Variants in TMTC1 observed in about 807,000 individuals in gnomAD.
TMTC1 encodes the protein protein O-mannosyl-transferase TMTC1.
A neutral mutation model predicts 104.8 loss-of-function variants in TMTC1; 73 were observed. The observed-to-expected ratio is 0.70, with a 90% confidence interval of 0.58 to 0.85. The LOEUF (loss-of-function observed/expected upper bound fraction) is 0.85, where lower values mean the gene tolerates loss of function less well. TMTC1 is among the 40% of genes least tolerant of loss of function. TMTC1 has a pLI of 0.00. For missense variants in TMTC1, 1,035 were observed against 1,096.1 expected, an observed-to-expected ratio of 0.94 and a Z score of 0.79; for synonymous variants, 434 against 428.7, an observed-to-expected ratio of 1.01 and a Z score of -0.15.
In TMTC1 at chr12:29,608,643, T is replaced by C. The variant is rs559472012; in HGVS notation, c.1129-4344A>G. Among the ~76,000 whole-genome samples, 7 of 152,202 alleles carry C rather than the reference T, an allele frequency of 4.6e-5. No individual in the cohort carries two copies. The South Asian group carries it at 1.5e-3, about 32-fold the overall frequency. On this transcript the variant is annotated intron_variant, in intron 6 of 17. Coordinates refer to ENST00000539277, the MANE Select transcript of TMTC1 (RefSeq NM_001193451.2). ...TGTGTGATAGATTCGCTATTATAGG[T>C]GTTAGGTTTGATTTTTCTTTTCTGG...
At chr12:29,551,432 T>C (rs565710479) in intron 10 of TMTC1, among the ~76,000 whole-genome samples, 2 of 152,216 alleles carry the variant, frequency 1.3e-5, no homozygotes, top group Non-Finnish European at 2.9e-5. Context: ...GTAAATCAAA[T>C]ATATCCTGTT....
intron 6 of TMTC1, among the ~76,000 whole-genome samples, chr12:29,617,536 C>CAGAGAGAGAGAGAGAGAGAGAGAGAG (rs145115277): frequency 4.4e-4 from 60 of 134,994 alleles, no homozygotes; most frequent in South Asian, 1.2e-3. Context: ...AAACAGACAA[C>CAGAGAGAGAGAGAGAGAGAGAGAGAG]AGAGAGAGAG....
At chr12:29,579,117 C>T (rs575899980) in intron 8 of TMTC1, among the ~76,000 whole-genome samples, 4 of 152,258 alleles carry the variant, frequency 2.6e-5, no homozygotes, top group South Asian at 2.1e-4. Context: ...GTTTCAGCCA[C>T]GGCCAGTAAA....
chr12:29,757,520 A>G (rs1943242937), intron 3 of TMTC1, among the ~76,000 whole-genome samples: 1 of 152,200 alleles, frequency 6.6e-6, no homozygotes, highest in South Asian at 2.1e-4. Flanking sequence ...AGTGTTCCTC[A>G]GTCACTGGGC....
At chr12:29,589,517 A>C (rs4505145) in intron 7 of TMTC1, among the ~76,000 whole-genome samples, 1,762 of 152,282 alleles carry the variant, frequency 0.012, 37 homozygotes, top group East Asian at 0.065. Context: ...CTGTGTTCCT[A>C]ACACCTCATC....
intron 6 of TMTC1, among the ~76,000 whole-genome samples, chr12:29,628,693 C>T (rs997277918): frequency 3.3e-5 from 5 of 152,106 alleles, no homozygotes; most frequent in Non-Finnish European, 7.3e-5. Context: ...AGACAGACTT[C>T]GCTCTGTCAC....
chr12:29,760,547 T>C (rs1943320156), intron 2 of TMTC1, among the ~76,000 whole-genome samples: 1 of 152,162 alleles, frequency 6.6e-6, no homozygotes, highest in African/African-American at 2.4e-5. Flanking sequence ...AAAAATGCAT[T>C]ATATTGCACT....
intron 10 of TMTC1, among the ~76,000 whole-genome samples, chr12:29,553,707 A>G (rs564840894): frequency 9.9e-5 from 15 of 152,232 alleles, no homozygotes; most frequent in Non-Finnish European, 1.5e-4. Flanking sequence ...TGGTTACCCA[A>G]TAACTCCTCT....
intron 17 of TMTC1, among the ~76,000 whole-genome samples, chr12:29,510,270 A>G (rs1255503544): frequency 6.6e-6 from 1 of 152,216 alleles, no homozygotes; most frequent in Non-Finnish European, 1.5e-5. Flanking sequence ...ATCTAGACAT[A>G]CTGAAACACA....
At chr12:29,723,368 G>A (rs1942292308) in intron 5 of TMTC1, among the ~76,000 whole-genome samples, 1 of 152,138 alleles carries the variant, frequency 6.6e-6, no homozygotes, top group African/African-American at 2.4e-5. Context: ...TATTTAAATT[G>A]TTTTAAGGCT....
At chr12:29,699,901 CA>C (rs1941536943) in intron 5 of TMTC1, among the ~76,000 whole-genome samples, 1 of 152,028 alleles carries the variant, frequency 6.6e-6, no homozygotes, top group African/African-American at 2.4e-5. Flanking sequence ...CTCAACCTCC[CA>C]AAATGCCGGG....
chr12:29,730,333 T>G (rs371293112), intron 5 of TMTC1, among the ~76,000 whole-genome samples: 4 of 152,210 alleles, frequency 2.6e-5, no homozygotes, highest in East Asian at 1.9e-4. Context: ...AAAGATGAAT[T>G]TCCTGGAAAA....
intron 5 of TMTC1, among the ~76,000 whole-genome samples, chr12:29,712,285 A>T (rs983377247): frequency 6.6e-6 from 1 of 152,184 alleles, no homozygotes; most frequent in Non-Finnish European, 1.5e-5. Flanking sequence ...CAAATGTTCA[A>T]ACAGGCTAAC....
At chr12:29,575,452 C>T (rs915414039) in intron 8 of TMTC1, among the ~76,000 whole-genome samples, 2 of 151,860 alleles carry the variant, frequency 1.3e-5, no homozygotes, top group Admixed American at 1.3e-4. Context: ...TATGTTAAGG[C>T]ATACTTCCTC....
At chr12:29,732,429 G>T (rs1287897140) in intron 5 of TMTC1, among the ~76,000 whole-genome samples, 1 of 152,190 alleles carries the variant, frequency 6.6e-6, no homozygotes, top group Non-Finnish European at 1.5e-5. Context: ...GGGAGATGAG[G>T]ATAATCAGAT....
chr12:29,661,271 C>G (rs1355696541), intron 5 of TMTC1: 1 of 709,788 alleles, frequency 1.4e-6, no homozygotes, highest in Non-Finnish European at 1.7e-6. Flanking sequence ...TACAGTTACA[C>G]TGGTCACAGG....
chr12:29,734,941 A>G (rs2136925685), intron 5 of TMTC1, among the ~76,000 whole-genome samples: 1 of 152,246 alleles, frequency 6.6e-6, no homozygotes, highest in East Asian at 1.9e-4. Flanking sequence ...GTGTGTGTGA[A>G]CTCTGCTTCT....
intron 1 of TMTC1, among the ~76,000 whole-genome samples, chr12:29,774,091 C>G (rs774485698): frequency 1.1e-4 from 16 of 152,068 alleles, no homozygotes; most frequent in Non-Finnish European, 2.4e-4. Context: ...TCTCAATAAG[C>G]CTTTGCGTTC....
chr12:29,517,350 G>C (rs1188123678), intron 14 of TMTC1, 77 bp downstream of exon 14: 12 of 1,512,362 alleles, frequency 7.9e-6, no homozygotes, highest in Non-Finnish European at 1.1e-5. Flanking sequence ...CTCCAGTTTT[G>C]AGGCGTGAGG....
Sources: gnomAD v4.1 joint callset for allele counts (sites outside exome capture counted in the v4.1 genomes callset) on GRCh38, gnomAD v4.1.1 for gene constraint, MANE v1.5 for transcripts, NCBI Gene and HGNC (gene_info 2026-07-23, HGNC 2026-07-21) for gene names.